Variants in C20orf96 observed in about 807,000 individuals in gnomAD.
C20orf96 encodes the protein chromosome 20 open reading frame 96.
In C20orf96, 57 loss-of-function variants were observed where a neutral mutation model predicts 52.6. The observed-to-expected ratio is 1.08, with a 90% CI of 0.88 to 1.35. The LOEUF is 1.35. Among genes scored for constraint, C20orf96 ranks in the 40% most tolerant of loss-of-function variants. The probability of loss-of-function intolerance (pLI) is 0.00; values close to 1 mark genes in which losing one functional copy is unlikely to be tolerated. For synonymous variants in C20orf96, 168 were observed against 157.2 expected (o/e 1.07, Z -0.51); for missense variants, 478 against 443.6 (o/e 1.08, Z -0.70).
Position 276,893 on chromosome 20 carries a change from A to G in C20orf96, c.826-14T>C. 1 of 1,613,980 alleles carries G rather than the reference A, an allele frequency of 6.2e-7. No individual in the cohort carries two copies. Among genetic ancestry groups the G allele is most frequent in the Non-Finnish European group, 8.5e-7 (1 of 1,179,902 alleles). ...ACGCTGGGTTTCCTGTGGAGGAAGA[A>G]GAGGTCTGGCCCCCAGGTGCCTCTT... On this transcript the variant is annotated splice_polypyrimidine_tract_variant and intron_variant, in intron 8 of 10. Transcript: ENST00000360321.
At chr20:276,613 A>G (rs2012032465) in intron 9 of C20orf96, 180 bp downstream of exon 9, 6 of 1,442,208 alleles carry the variant, frequency 4.2e-6, no homozygotes, top group Admixed American at 5.4e-5. Context: ...GTCAGTGCCA[A>G]TCGCCTTCCC....
chr20:279,418 C>T, intron 4 of C20orf96, 88 bp from the exon 5 acceptor site: 2 of 1,383,566 alleles, frequency 1.4e-6, no homozygotes, highest in African/African-American at 1.5e-5. Flanking sequence ...GCCCCGGCCC[C>T]GCCAGACGCC....
intron 2 of C20orf96, among the ~76,000 whole-genome samples, 170 bp downstream of exon 2, chr20:290,089 T>C (rs939521052): frequency 6.6e-6 from 1 of 151,928 alleles, no homozygotes; most frequent in Non-Finnish European, 1.5e-5. Flanking sequence ...AGGAGAAAAA[T>C]GAGGTTCTGA....
intron 7 of C20orf96, 35 bp from the exon 8 acceptor site, chr20:277,180 C>G (rs1568490351): frequency 6.2e-7 from 1 of 1,613,612 alleles, no homozygotes. Flanking sequence ...GTCACCAGTC[C>G]TGCCTCCCAC....
intron 3 of C20orf96, among the ~76,000 whole-genome samples, chr20:287,486 G>A (rs1304611585): frequency 6.6e-6 from 1 of 152,146 alleles, no homozygotes; most frequent in Non-Finnish European, 1.5e-5. Flanking sequence ...GTCTCTTCAT[G>A]TCTTTTTCCC....
rs2011804075 is a variant in C20orf96, at chr20:270,939, C to G, written c.*268G>C. On this transcript the variant is annotated 3_prime_UTR_variant, in exon 11 of 11. Transcript: ENST00000360321. ...GAAATTCCCACCTGGCCCAGCAGCA[C>G]CAACCAGAAAGAAGGGAAGAAGAGA... The G allele has an allele frequency of 2.1e-6, 1 of 479,084 alleles. No homozygotes were observed. The highest frequency in any genetic ancestry group is 2.8e-5 in the South Asian group (1 of 35,224). 29.7% of individuals were successfully genotyped at this position (479,084 alleles called of 1,614,324 possible). A position where few individuals can be genotyped will look rare whatever the true frequency, so the allele number is the denominator to read the frequency against.
intron 4 of C20orf96, among the ~76,000 whole-genome samples, chr20:282,423 A>G (rs2012275759): frequency 6.6e-6 from 1 of 152,218 alleles, no homozygotes; most frequent in African/African-American, 2.4e-5. Context: ...TAGGTGCTCA[A>G]TCAATATTTG....
At chr20:287,347 T>A (rs567020521) in intron 3 of C20orf96, among the ~76,000 whole-genome samples, 69 of 152,354 alleles carry the variant, frequency 4.5e-4, no homozygotes, top group African/African-American at 1.6e-3. Flanking sequence ...TATTTTTTTA[T>A]TTTAGCCATT....
rs376791854 is a variant in C20orf96 at position 284,079 on chromosome 20, A to C, written c.190T>G (p.Phe64Val). 1.2e-6 allele frequency: 2 copies of C among 1,612,648 alleles called. No individual in the cohort carries two copies. The highest frequency in any genetic ancestry group is 2.7e-5 in the African/African-American group (2 of 74,870). The change falls in exon 4 of 11, where the codon TTT becomes GTT. Residue 64 changes from phenylalanine to valine, a missense_variant and splice_region_variant. Coordinates refer to ENST00000360321, the MANE Select transcript of C20orf96 (RefSeq NM_153269.3). Reference protein sequence around the residue: ...MKTLTRVQPVFHFKPTTVVTS... With the variant: ...MKTLTRVQPVVHFKPTTVVTS... ...ACCACCGTAGTGGGCTTGAAGTGAAACACTAGGGGTAGACAGGAAAGGACA... is the reference window on the plus strand; with the variant it reads ...ACCACCGTAGTGGGCTTGAAGTGAACCACTAGGGGTAGACAGGAAAGGACA...
chr20:276,741 C>T, intron 9 of C20orf96, 52 bp downstream of exon 9: 1 of 1,588,684 alleles, frequency 6.3e-7, no homozygotes, highest in South Asian at 1.1e-5. Flanking sequence ...GCCGTGGGGA[C>T]TGCCCATCCA....
rs530605323 is a variant in C20orf96 at position 277,074 on chromosome 20, C to A, written c.795G>T (p.Lys265Asn). 5.0e-6 allele frequency: 8 copies of A among 1,613,600 alleles called. No individual in the cohort carries two copies. Among genetic ancestry groups the A allele is most frequent in the South Asian group, 2.2e-5 (2 of 91,018 alleles). ...LESLSDKIQK[K>N]KKKILSSVVA... ...CCACAGAACTCAGAATTTTTTTCTT[C>A]TTCTTCTGAATCTTGTCAGACAAGG... The change falls in exon 8 of 11, where the codon AAG (lysine) becomes AAT (asparagine). Residue 265 changes from lysine (K) to asparagine (N), a missense_variant. Lys to Asn is a moderately conservative substitution (Grantham distance 94). Coordinates refer to ENST00000360321, the MANE Select transcript of C20orf96 (RefSeq NM_153269.3).
rs549173631 is a variant in C20orf96, at chr20:282,880, A to T, written c.306+1083T>A. On this transcript the variant is annotated intron_variant, in intron 4 of 10. Coordinates refer to ENST00000360321, the MANE Select transcript of C20orf96 (RefSeq NM_153269.3). The stretch of plus-strand genomic sequence containing the variant: ...GAGTGAAACTCTGTCTCAAAAAAAA[A>T]TTTTTTTAAAAACTAAGAGAAATAT... Among the ~76,000 whole-genome samples the T allele has an allele frequency of 2.1e-4, 32 of 152,262 alleles. No individual in the cohort carries two copies. The South Asian group carries it at 3.1e-3, about 15-fold the overall frequency.
At position 276,066 on chromosome 20, in the gene C20orf96, C is replaced by T. The variant is rs748802884; in HGVS notation, c.933G>A (p.Glu311=). The T allele has an allele frequency of 6.8e-6, 11 of 1,614,140 alleles. No homozygotes were observed. The highest frequency in any genetic ancestry group is 1.7e-4 in the Middle Eastern group (1 of 6,058). ...CCTCGGCCCTTAATACAGGCATGTT[C>T]TCCTCAAACTGGTCAATAATCTGAG... The part of the protein sequence containing the change: ...RFREIIDQFE[E]NMPVLRAEVE... The change falls in exon 10 of 11, where the codon GAG becomes GAA. Residue 311 remains glutamate (E), a synonymous_variant. Transcript: ENST00000360321.
chr20:276,976 G>A, intron 8 of C20orf96, 68 bp downstream of exon 8: 4 of 1,596,140 alleles, frequency 2.5e-6, no homozygotes, highest in Non-Finnish European at 3.4e-6. Context: ...GGAGGCAGAG[G>A]ATGGGGAAGA....
At chr20:281,700 C>T (rs941890620) in intron 4 of C20orf96, among the ~76,000 whole-genome samples, 9 of 152,060 alleles carry the variant, frequency 5.9e-5, no homozygotes, top group African/African-American at 1.9e-4. Flanking sequence ...GGACAGCAGT[C>T]GGGCACAGTG....
At chr20:275,840 C>G (rs1600184164) in intron 10 of C20orf96, 128 bp downstream of exon 10, 1 of 875,728 alleles carries the variant, frequency 1.1e-6, no homozygotes, top group East Asian at 2.4e-5. Context: ...GGTGGAAACC[C>G]AGGACCGCCC....
intron 3 of C20orf96, among the ~76,000 whole-genome samples, chr20:289,163 G>A (rs772037962): frequency 6.6e-6 from 1 of 151,942 alleles, no homozygotes; most frequent in African/African-American, 2.4e-5. Context: ...CCTGAAACAT[G>A]AGTAGGAGTA....
At position 276,016 on chromosome 20, in the gene C20orf96, C is replaced by A. The variant is rs367958111; in HGVS notation, c.983G>T (p.Arg328Leu). 6.2e-7 allele frequency: 1 copy of A among 1,614,024 alleles called. No homozygotes were observed. The highest frequency in any genetic ancestry group is 1.3e-5 in the African/African-American group (1 of 74,894). ...CTCAAATATGACCTCTCGGGGTTCC[C>A]GGGTCTGGGCTTGGAGCTCTTCCAC... is the stretch of plus-strand genomic sequence containing the variant. ...AEVEELQAQTREPREVIFEDV... is the reference protein window; with the variant it reads ...AEVEELQAQTLEPREVIFEDV... The change falls in exon 10 of 11, where the codon CGG (arginine) becomes CTG (leucine). Residue 328 changes from arginine (R) to leucine (L), a missense_variant. Physicochemically the swap from Arg to Leu is moderately radical, Grantham distance 102. Transcript: ENST00000360321.
In C20orf96 at chr20:271,075, G is replaced by GAGGA. The variant is rs1487524113; in HGVS notation, c.*128_*131dup. On this transcript the variant is annotated 3_prime_UTR_variant, in exon 11 of 11. Coordinates refer to ENST00000360321, the MANE Select transcript of C20orf96 (RefSeq NM_153269.3). ...GGAGGGAGGGAGGGAAAGAAAGAGG[G>GAGGA]AGGAAGGGCAGAGGGAGCAGGGAGA... The GAGGA allele has an allele frequency of 2.4e-5, 17 of 702,904 alleles. No homozygotes were observed. The East Asian group carries it at 5.0e-4, about 21-fold the overall frequency. The allele number at this position is 702,904 out of a possible 1,614,324, so 43.5% of individuals were successfully genotyped here.
Sources: gnomAD v4.1 joint callset for allele counts (sites outside exome capture counted in the v4.1 genomes callset) on GRCh38, gnomAD v4.1.1 for gene constraint, MANE v1.5 for transcripts, NCBI Gene and HGNC (gene_info 2026-07-23, HGNC 2026-07-21) for gene names.